Variants in CRYBG1 observed in about 807,000 individuals in gnomAD.
The protein encoded by CRYBG1 is crystallin beta-gamma domain containing 1, also known as beta/gamma crystallin domain-containing protein 1.
A neutral mutation model predicts 189.2 loss-of-function variants in CRYBG1; 139 were observed. The ratio of observed to expected loss-of-function variants is 0.73; its 90% CI spans 0.64 to 0.85. The LOEUF (loss-of-function observed/expected upper bound fraction) is 0.85, where lower values mean the gene tolerates loss of function less well. Among genes scored for constraint, CRYBG1 ranks in the 40% least tolerant of loss-of-function variants. The pLI is 0.00. For synonymous variants in CRYBG1, 1,023 were observed against 1,017.1 expected (o/e 1.01, Z -0.11); for missense variants, 2,611 against 2,675.8 (o/e 0.98, Z 0.53).
chr6:106,392,186 A>G lies in CRYBG1; in HGVS notation c.173+31105A>G, dbSNP rs952073810. 2.6e-5 allele frequency among the ~76,000 whole-genome samples: 4 copies of G among 152,178 alleles called. No homozygotes were observed. The South Asian group carries it at 8.3e-4, about 32-fold the overall frequency. On this transcript the variant is annotated intron_variant, in intron 1 of 21. Transcript: ENST00000633556. ...GGGGGATGGGAGAGCTTGGGGAATAAGTTGGGTTTTTTACCCCAATCTTTT... is the reference window on the plus strand; with the variant it reads ...GGGGGATGGGAGAGCTTGGGGAATAGGTTGGGTTTTTTACCCCAATCTTTT...
At chr6:106,535,679 C>G (rs576471917) in intron 8 of CRYBG1, among the ~76,000 whole-genome samples, 1 of 151,828 alleles carries the variant, frequency 6.6e-6, no homozygotes, top group East Asian at 1.9e-4. Flanking sequence ...CACATAAATG[C>G]GTTTGATTGT....
intron 1 of CRYBG1, among the ~76,000 whole-genome samples, chr6:106,366,482 G>A (rs1240383489): frequency 6.6e-6 from 1 of 152,132 alleles, no homozygotes; most frequent in Non-Finnish European, 1.5e-5. Context: ...GTTTTTGAGA[G>A]TTATAAATAT....
intron 14 of CRYBG1, 102 bp downstream of exon 14, chr6:106,552,080 TG>T: frequency 6.9e-7 from 1 of 1,451,268 alleles, no homozygotes; most frequent in Non-Finnish European, 9.5e-7. Context: ...GAAAATATTC[TG>T]AGTTTATTTT....
At chr6:106,445,383 C>T (rs1441696226) in intron 1 of CRYBG1, among the ~76,000 whole-genome samples, 1 of 152,192 alleles carries the variant, frequency 6.6e-6, no homozygotes, top group Non-Finnish European at 1.5e-5. Flanking sequence ...CAATGAATAT[C>T]TCTGGGCCTC....
chr6:106,413,863 G>A (rs1770975893), intron 1 of CRYBG1, among the ~76,000 whole-genome samples: 1 of 152,310 alleles, frequency 6.6e-6, no homozygotes, highest in African/African-American at 2.4e-5. Flanking sequence ...CAATTGGACA[G>A]ATGATGGTAA....
At chr6:106,371,339 C>T (rs895220486) in intron 1 of CRYBG1, among the ~76,000 whole-genome samples, 3 of 152,174 alleles carry the variant, frequency 2.0e-5, no homozygotes, top group Non-Finnish European at 4.4e-5. Context: ...TCAATGTCTC[C>T]TTTATCATGC....
At chr6:106,460,423 T>G (rs1187313722) in intron 2 of CRYBG1, among the ~76,000 whole-genome samples, 1 of 152,238 alleles carries the variant, frequency 6.6e-6, no homozygotes, top group Non-Finnish European at 1.5e-5. Flanking sequence ...TGATAATCAT[T>G]GGTATTCAGA....
intron 8 of CRYBG1, among the ~76,000 whole-genome samples, chr6:106,532,523 A>T (rs899716353): frequency 2.0e-5 from 3 of 152,216 alleles, no homozygotes; most frequent in Non-Finnish European, 4.4e-5. Context: ...TATTCCCACC[A>T]ATAGTGTGGA....
chr6:106,505,681 T>TA (rs1773116064), intron 2 of CRYBG1, among the ~76,000 whole-genome samples: 2 of 152,060 alleles, frequency 1.3e-5, no homozygotes, highest in African/African-American at 4.8e-5. Context: ...AAGTGTAAAG[T>TA]AGCTCAAATT....
intron 1 of CRYBG1, among the ~76,000 whole-genome samples, chr6:106,389,821 C>T (rs996095425): frequency 6.6e-5 from 10 of 151,894 alleles, no homozygotes; most frequent in Non-Finnish European, 8.8e-5. Flanking sequence ...TTGGTTCAGT[C>T]GACTCCTATA....
Position 106,566,263 on chromosome 6 carries a change from C to T in CRYBG1, c.6302-2209C>T, listed in dbSNP as rs73524913. 4.4e-3 allele frequency among the ~76,000 whole-genome samples: 673 copies of T among 151,684 alleles called. 8 individuals carry two copies. Among genetic ancestry groups the T allele is most frequent in the African/African-American group, 0.016 (649 of 41,272 alleles). On this transcript the variant is annotated intron_variant, in intron 21 of 21. Coordinates refer to ENST00000633556, the MANE Select transcript of CRYBG1 (RefSeq NM_001371242.2). ...TGTCCCTGACTTGTTACATTAGCAG[C>T]GGACCAGAAGGAAGGACACCTCACT...
chr6:106,431,258 A>G (rs572601396), intron 1 of CRYBG1, among the ~76,000 whole-genome samples: 3 of 152,162 alleles, frequency 2.0e-5, no homozygotes, highest in East Asian at 3.9e-4. Context: ...TTTGGAATAA[A>G]CCTCTCTCAA....
At chr6:106,506,384 T>G (rs938804280) in intron 2 of CRYBG1, among the ~76,000 whole-genome samples, 1 of 151,766 alleles carries the variant, frequency 6.6e-6, no homozygotes, top group Non-Finnish European at 1.5e-5. Context: ...ATAGGAAAAC[T>G]TATTTATTTA....
chr6:106,398,865 A>T (rs981879146), intron 1 of CRYBG1, among the ~76,000 whole-genome samples: 1 of 152,202 alleles, frequency 6.6e-6, no homozygotes, highest in Admixed American at 6.5e-5. Flanking sequence ...TTCCTTAAAG[A>T]CAAGTGCCAT....
intron 2 of CRYBG1, among the ~76,000 whole-genome samples, chr6:106,473,003 G>A (rs1336426553): frequency 6.7e-6 from 1 of 148,768 alleles, no homozygotes; most frequent in Non-Finnish European, 1.5e-5. Context: ...TTTCTCTCTT[G>A]TTACCTGTCA....
intron 1 of CRYBG1, among the ~76,000 whole-genome samples, chr6:106,404,752 C>T (rs941889604): frequency 6.6e-6 from 1 of 152,104 alleles, no homozygotes; most frequent in Non-Finnish European, 1.5e-5. Flanking sequence ...CAGTGTGGGG[C>T]ATCACCTCAC....
chr6:106,462,433 A>G (rs917102871), intron 2 of CRYBG1, among the ~76,000 whole-genome samples: 3 of 152,178 alleles, frequency 2.0e-5, no homozygotes, highest in African/African-American at 7.2e-5. Flanking sequence ...TGCTGGGATT[A>G]CAGGCGTGAG....
chr6:106,377,951 T>C (rs1770203909), intron 1 of CRYBG1, among the ~76,000 whole-genome samples: 1 of 152,200 alleles, frequency 6.6e-6, no homozygotes, highest in South Asian at 2.1e-4. Context: ...TAGGTGACTT[T>C]TAAGCAAATC....
intron 8 of CRYBG1, among the ~76,000 whole-genome samples, chr6:106,538,768 T>C (rs1774061179): frequency 6.6e-6 from 1 of 151,862 alleles, no homozygotes; most frequent in African/African-American, 2.4e-5. Context: ...TGGTGGTGTG[T>C]GCCTGTACTC....
Sources: gnomAD v4.1 joint callset for allele counts (sites outside exome capture counted in the v4.1 genomes callset) on GRCh38, gnomAD v4.1.1 for gene constraint, MANE v1.5 for transcripts, NCBI Gene and HGNC (gene_info 2026-07-23, HGNC 2026-07-21) for gene names.